SGCZ: variants seen among roughly 807,000 people sequenced by gnomAD.
The protein encoded by SGCZ is zeta-sarcoglycan.
Under a neutral mutation model 41.3 loss-of-function variants are expected in SGCZ, and 40 were observed. The ratio of observed to expected loss-of-function variants is 0.97; its 90% CI spans 0.75 to 1.26. The LOEUF is 1.26. SGCZ is among the 50% of genes most tolerant of loss of function. The pLI is 0.00. For synonymous variants in SGCZ, 206 were observed against 137.5 expected (o/e 1.50, Z -3.49); for missense variants, 552 against 369.8 (o/e 1.49, Z -4.04).
chr8:14,179,428 C>T (rs530087216), intron 4 of SGCZ, among the ~76,000 whole-genome samples: 24 of 152,260 alleles, frequency 1.6e-4, no homozygotes, highest in Admixed American at 6.5e-4. Flanking sequence ...CTTAGGAGGG[C>T]CTACAGTGGA....
Position 14,096,057 on chromosome 8 carries a change from A to C in SGCZ, c.745-5420T>G, listed in dbSNP as rs186215088. Among the ~76,000 whole-genome samples, 7 of 152,246 alleles carry C rather than the reference A, an allele frequency of 4.6e-5. No individual in the cohort carries two copies. The East Asian group carries it at 1.4e-3, about 29-fold the overall frequency. On this transcript the variant is annotated intron_variant, in intron 7 of 7. Transcript: ENST00000382080. Reference sequence around the variant, plus strand: ...AATCATGTCATCTGCAAACAGAGACAATTTGCCTTCCTGTATTCTTAATTG... The same window carrying C: ...AATCATGTCATCTGCAAACAGAGACCATTTGCCTTCCTGTATTCTTAATTG...
At chr8:14,306,560 T>C (rs1260632623) in intron 3 of SGCZ, among the ~76,000 whole-genome samples, 1 of 152,168 alleles carries the variant, frequency 6.6e-6, no homozygotes, top group Non-Finnish European at 1.5e-5. Context: ...TAATTTTTGA[T>C]GACCAAAAGA....
At chr8:14,222,155 G>A (rs967298877) in intron 4 of SGCZ, among the ~76,000 whole-genome samples, 2 of 151,944 alleles carry the variant, frequency 1.3e-5, no homozygotes, top group Admixed American at 6.6e-5. Flanking sequence ...TTTTGTTGTT[G>A]TTGTTGCTGT....
chr8:14,966,818 T>C (rs992667231), intron 1 of SGCZ, among the ~76,000 whole-genome samples: 5 of 152,130 alleles, frequency 3.3e-5, no homozygotes, highest in Admixed American at 3.3e-4. Flanking sequence ...AATATTTCAA[T>C]AGAATATTTG....
At chr8:14,530,340 TCAAA>T (rs1230008179) in intron 2 of SGCZ, among the ~76,000 whole-genome samples, 1 of 152,138 alleles carries the variant, frequency 6.6e-6, no homozygotes, top group Non-Finnish European at 1.5e-5. Context: ...AGATCATACA[TCAAA>T]CAAACAATAA....
At chr8:14,574,731 T>C (rs1477831890) in intron 1 of SGCZ, among the ~76,000 whole-genome samples, 1 of 152,210 alleles carries the variant, frequency 6.6e-6, no homozygotes, top group Admixed American at 6.5e-5. Context: ...ATGTTTTTCT[T>C]TGGTTAATTT....
At chr8:14,911,719 G>A (rs1799285202) in intron 1 of SGCZ, among the ~76,000 whole-genome samples, 1 of 151,824 alleles carries the variant, frequency 6.6e-6, no homozygotes, top group African/African-American at 2.4e-5. Flanking sequence ...AATAGTGCTT[G>A]TTTAAAAATA....
intron 2 of SGCZ, among the ~76,000 whole-genome samples, chr8:14,497,526 C>T (rs1247255480): frequency 1.3e-5 from 2 of 151,798 alleles, no homozygotes; most frequent in African/African-American, 4.8e-5. Context: ...AATTTGTAAG[C>T]TTTCTTAAAA....
intron 1 of SGCZ, among the ~76,000 whole-genome samples, chr8:15,185,158 G>A (rs952302296): frequency 6.6e-6 from 1 of 152,152 alleles, no homozygotes; most frequent in South Asian, 2.1e-4. Context: ...ACTCTCTGAA[G>A]CAAAGTTAGG....
intron 1 of SGCZ, among the ~76,000 whole-genome samples, chr8:15,148,039 A>T (rs1461259803): frequency 1.4e-5 from 2 of 147,070 alleles, no homozygotes; most frequent in African/African-American, 5.4e-5. Context: ...CTCTCTTTTC[A>T]TTCTCAGAAG....
chr8:14,559,838 T>C (rs1304115802), intron 1 of SGCZ, among the ~76,000 whole-genome samples: 1 of 152,122 alleles, frequency 6.6e-6, no homozygotes, highest in Non-Finnish European at 1.5e-5. Flanking sequence ...CTATTTATTA[T>C]CATTATTATT....
chr8:14,868,049 T>C, intron 1 of SGCZ, among the ~76,000 whole-genome samples: 1 of 152,154 alleles, frequency 6.6e-6, no homozygotes, highest in East Asian at 1.9e-4. Context: ...GTTTCAGACA[T>C]ACTTAGCTAA....
chr8:14,635,510 C>T lies in SGCZ; in HGVS notation c.40-80584G>A, dbSNP rs1806799214. On this transcript the variant is annotated intron_variant, in intron 1 of 7. Transcript: ENST00000382080. ...TGCTTTACTTTTCATGATTTGTTACCCATGGAGAAATACACTCTGAAAATA... is the reference window on the plus strand; with the variant it reads ...TGCTTTACTTTTCATGATTTGTTACTCATGGAGAAATACACTCTGAAAATA... 2.0e-5 allele frequency among the ~76,000 whole-genome samples: 3 copies of T among 151,824 alleles called. No individual in the cohort carries two copies. The South Asian group carries it at 6.2e-4, about 31-fold the overall frequency.
rs781071392 is a variant in SGCZ at position 14,218,872 on chromosome 8, T to C, written c.424+18720A>G. On this transcript the variant is annotated intron_variant, in intron 4 of 7. Transcript: ENST00000382080. ...AATGAGAACCTTGGCGATGAGGACT[T>C]TGGAGGCCAGCCATTGAAGTCTACG... Among the ~76,000 whole-genome samples, 78 of 152,230 alleles carry C rather than the reference T, an allele frequency of 5.1e-4. 1 individual carries two copies. The highest frequency in any genetic ancestry group is 8.8e-4 in the Non-Finnish European group (60 of 68,016).
intron 1 of SGCZ, among the ~76,000 whole-genome samples, chr8:14,628,864 T>G (rs1009106676): frequency 6.6e-6 from 1 of 152,256 alleles, no homozygotes; most frequent in Non-Finnish European, 1.5e-5. Context: ...CCTTTTGGTG[T>G]GGTTCTCATA....
intron 1 of SGCZ, among the ~76,000 whole-genome samples, chr8:15,097,779 T>C (rs9918810): frequency 3.2e-5 from 4 of 124,130 alleles, no homozygotes; most frequent in East Asian, 4.6e-4. Context: ...TATATATATA[T>C]ACGTGTATAT....
intron 2 of SGCZ, among the ~76,000 whole-genome samples, chr8:14,393,415 A>G (rs1352233766): frequency 6.6e-6 from 1 of 152,138 alleles, no homozygotes; most frequent in East Asian, 1.9e-4. Flanking sequence ...CATGTACTAT[A>G]AAGAGCAGAC....
At chr8:15,164,495 G>T (rs908268377) in intron 1 of SGCZ, among the ~76,000 whole-genome samples, 4 of 152,032 alleles carry the variant, frequency 2.6e-5, no homozygotes, top group African/African-American at 9.7e-5. Context: ...CAGCCCAGGG[G>T]TTTTACTCCC....
intron 3 of SGCZ, among the ~76,000 whole-genome samples, chr8:14,268,307 A>C (rs17294649): frequency 0.26 from 39,166 of 149,438 alleles, 6,603 homozygotes; most frequent in Non-Finnish European, 0.38. Context: ...TATATTTGTT[A>C]TAGTTAAAAG....
Sources: allele counts gnomAD v4.1 joint callset (sites outside exome capture counted in the v4.1 genomes callset), GRCh38; gene constraint gnomAD v4.1.1; transcripts MANE v1.5; gene names NCBI Gene and HGNC (gene_info 2026-07-23, HGNC 2026-07-21).